Variants in CELF2 observed in about 807,000 individuals in gnomAD.
CELF2 encodes the protein CUG triplet repeat RNA-binding protein 2.
Under a neutral mutation model 62.6 loss-of-function variants are expected in CELF2, and 8 were observed. The observed-to-expected ratio is 0.13, with a 90% CI of 0.07 to 0.23. The LOEUF is 0.23. Among genes scored for constraint, CELF2 ranks in the 10% least tolerant of loss-of-function variants. The probability of loss-of-function intolerance (pLI) is 1.00; values close to 1 mark genes in which losing one functional copy is unlikely to be tolerated. For missense variants in CELF2, 333 were observed against 671.0 expected (o/e 0.50, Z 5.56); for synonymous variants, 258 against 250.0 (o/e 1.03, Z -0.30).
chr10:10,943,099 C>G (rs535619748), intron 2 of CELF2, among the ~76,000 whole-genome samples: 2 of 152,306 alleles, frequency 1.3e-5, no homozygotes, highest in Non-Finnish European at 2.9e-5. Context: ...CTTCCTTGCC[C>G]CTCCTGTTGT....
At chr10:10,759,287 C>A in the CELF2 span, among the ~76,000 whole-genome samples, 1 of 146,504 alleles carries the variant, frequency 6.8e-6, no homozygotes, top group Admixed American at 7.1e-5. Flanking sequence ...AAACTCAGTG[C>A]CCATTTTTCT....
chr10:11,234,286 G>A (rs575310189), intron 3 of CELF2, among the ~76,000 whole-genome samples: 32 of 152,208 alleles, frequency 2.1e-4, no homozygotes, highest in East Asian at 3.9e-4. Flanking sequence ...GTCAGAGCCC[G>A]GCTTAACACC....
At chr10:11,281,304 C>T (rs72775858) in intron 8 of CELF2, among the ~76,000 whole-genome samples, 15,784 of 152,114 alleles carry the variant, frequency 0.1, 911 homozygotes, top group Middle Eastern at 0.19. Flanking sequence ...GGGACCTCTG[C>T]CTCAGAAGCA....
At chr10:10,950,630 C>A (rs1415140074) in intron 2 of CELF2, among the ~76,000 whole-genome samples, 1 of 152,144 alleles carries the variant, frequency 6.6e-6, no homozygotes, top group Admixed American at 6.5e-5. Flanking sequence ...CTCTGGGGAC[C>A]ACGATTCCCC....
At chr10:11,197,858 A>G (rs1027396679) in intron 2 of CELF2, among the ~76,000 whole-genome samples, 5 of 152,196 alleles carry the variant, frequency 3.3e-5, no homozygotes, top group African/African-American at 9.7e-5. Context: ...GATACTGACA[A>G]TTTTATGAAG....
the CELF2 span, among the ~76,000 whole-genome samples, chr10:10,593,906 C>A: frequency 6.6e-6 from 1 of 152,144 alleles, no homozygotes. Flanking sequence ...AATGCATACT[C>A]CATAGGGTTA....
chr10:11,125,861 A>G (rs187830630), intron 1 of CELF2, among the ~76,000 whole-genome samples: 99 of 151,374 alleles, frequency 6.5e-4, no homozygotes, highest in Admixed American at 1.9e-3. Context: ...ACGGAGTAAT[A>G]CTCTGCGCTT....
the CELF2 span, among the ~76,000 whole-genome samples, chr10:10,485,446 A>G: frequency 3.3e-5 from 5 of 152,208 alleles, no homozygotes; most frequent in Non-Finnish European, 1.5e-5. Context: ...ATTGCTTTTC[A>G]TCTCAAACAA....
chr10:11,273,672 T>A (rs2084755897), intron 7 of CELF2, among the ~76,000 whole-genome samples: 1 of 152,188 alleles, frequency 6.6e-6, no homozygotes, highest in African/African-American at 2.4e-5. Context: ...AGGAACGGTG[T>A]TCTGGATTGT....
chr10:10,677,751 A>G, the CELF2 span, among the ~76,000 whole-genome samples: 1 of 152,164 alleles, frequency 6.6e-6, no homozygotes, highest in East Asian at 1.9e-4. Flanking sequence ...AAGATGGCTG[A>G]CTCAGGCTTT....
At chr10:11,049,138 C>A (rs1462427053) in intron 1 of CELF2, among the ~76,000 whole-genome samples, 6 of 143,442 alleles carry the variant, frequency 4.2e-5, no homozygotes, top group Non-Finnish European at 7.6e-5. Context: ...AAAAAAAAGT[C>A]TTTTTCCTTG....
intron 1 of CELF2, among the ~76,000 whole-genome samples, chr10:11,044,851 T>C (rs1330074003): frequency 6.6e-6 from 1 of 152,212 alleles, no homozygotes; most frequent in African/African-American, 2.4e-5. Flanking sequence ...GATACCACAA[T>C]ACCAAAAGGG....
the CELF2 span, among the ~76,000 whole-genome samples, chr10:10,748,057 C>T: frequency 6.6e-6 from 1 of 152,046 alleles, no homozygotes; most frequent in Non-Finnish European, 1.5e-5. Context: ...AGAATGATAC[C>T]AGAGGCTGGG....
rs901952465 is a variant in CELF2, at chr10:11,308,049, A to C, written c.977-6090A>C. 2.0e-5 allele frequency among the ~76,000 whole-genome samples: 3 copies of C among 152,204 alleles called. No homozygotes were observed. The South Asian group carries it at 6.2e-4, about 31-fold the overall frequency. Reference sequence around the variant, plus strand: ...TGTCTTGTGTTTTGCTAGATATAAGATTCTGAGTTAATAGGTTTTTTCTTT... The same window carrying C: ...TGTCTTGTGTTTTGCTAGATATAAGCTTCTGAGTTAATAGGTTTTTTCTTT... On this transcript the variant is annotated intron_variant, in intron 9 of 12. Transcript: ENST00000633077.
At chr10:11,317,288 A>G (rs773529263) in intron 10 of CELF2, 1 of 152,230 alleles carries the variant, frequency 6.6e-6, no homozygotes, top group East Asian at 1.9e-4. Context: ...GCTTGGCACT[A>G]CTTGCATTGT....
chr10:11,101,817 C>T (rs1384433943), intron 1 of CELF2, among the ~76,000 whole-genome samples: 2 of 152,112 alleles, frequency 1.3e-5, no homozygotes, highest in African/African-American at 2.4e-5. Context: ...GTTTACTGCT[C>T]CATTCTTTGT....
At chr10:10,640,042 C>T in the CELF2 span, among the ~76,000 whole-genome samples, 3 of 152,168 alleles carry the variant, frequency 2.0e-5, no homozygotes, top group Non-Finnish European at 4.4e-5. Context: ...TTTTAAATGT[C>T]ATCTCCTCCA....
chr10:10,549,435 C>G, the CELF2 span, among the ~76,000 whole-genome samples: 2 of 152,336 alleles, frequency 1.3e-5, no homozygotes, highest in South Asian at 2.1e-4. Flanking sequence ...AGGCACCCAC[C>G]ACCACGCCTG....
chr10:11,201,282 G>A (rs763231791), intron 2 of CELF2, among the ~76,000 whole-genome samples: 11 of 152,162 alleles, frequency 7.2e-5, no homozygotes, highest in South Asian at 2.1e-4. Context: ...CAGTATTTTC[G>A]CAGACCCAAA....
Sources: gnomAD v4.1 joint callset for allele counts (sites outside exome capture counted in the v4.1 genomes callset) on GRCh38, gnomAD v4.1.1 for gene constraint, MANE v1.5 for transcripts, NCBI Gene and HGNC (gene_info 2026-07-23, HGNC 2026-07-21) for gene names.